The following MYO18A variants were observed in gnomAD, a reference collection of about 807,000 sequenced individuals.
MYO18A encodes myosin XVIIIA.
In MYO18A, 78 loss-of-function variants were observed where a neutral mutation model predicts 235.8. That is an observed-to-expected ratio of 0.33 (90% CI 0.28 to 0.40). The LOEUF is 0.40. Ranked by LOEUF, MYO18A falls within the 10% of genes least tolerant of loss-of-function variation. The pLI, the probability that MYO18A is intolerant of heterozygous loss-of-function variation, is 1.00. For synonymous variants in MYO18A, 977 were observed against 1,077.8 expected (o/e 0.91, Z 1.83); for missense variants, 2,215 against 2,699.3 (o/e 0.82, Z 3.98).
chr17:29,154,121 T>TGTGTGTGTGTGTGTGTGCGCGC (rs142430455), intron 2 of MYO18A, among the ~76,000 whole-genome samples: 2,309 of 148,954 alleles, frequency 0.016, 33 homozygotes, highest in East Asian at 0.067. Context: ...TGTGTGTGTG[T>TGTGTGTGTGTGTGTGTGCGCGC]GCGCGCGCGT....
At chr17:29,152,564 G>A (rs1232172521) in intron 2 of MYO18A, among the ~76,000 whole-genome samples, 3 of 152,118 alleles carry the variant, frequency 2.0e-5, no homozygotes, top group East Asian at 1.9e-4. Flanking sequence ...AAGCATCAGC[G>A]TGGGGACAAG....
At chr17:29,165,286 T>C (rs1171157044) in intron 2 of MYO18A, 2 of 152,238 alleles carry the variant, frequency 1.3e-5, no homozygotes, top group African/African-American at 4.8e-5. Context: ...ATGGAAATAT[T>C]GTATTTTACT....
chr17:29,124,557 G>T, intron 2 of MYO18A: 2 of 954,702 alleles, frequency 2.1e-6, no homozygotes, highest in Non-Finnish European at 2.7e-6. Context: ...TCCAGCAGGA[G>T]GCCCGAGCAC....
At chr17:29,078,316 G>C (rs879467994) in intron 41 of MYO18A, 1 of 152,230 alleles carries the variant, frequency 6.6e-6, no homozygotes, top group Non-Finnish European at 1.5e-5. Flanking sequence ...ATGCTCGGCT[G>C]ACTCTTGTCT....
At chr17:29,119,457 TGGGTAAGGA>T in intron 7 of MYO18A, 22 bp from the exon 8 acceptor site, 1 of 1,588,762 alleles carries the variant, frequency 6.3e-7, no homozygotes, top group Non-Finnish European at 8.6e-7. Context: ...CATGGACGTG[TGGGTAAGGA>T]GGGTAGTGCC....
In MYO18A at chr17:29,115,437, C is replaced by A. The variant is rs368144764; in HGVS notation, c.2232G>T (p.Pro744=). 9.3e-6 allele frequency: 15 copies of A among 1,613,488 alleles called. No homozygotes were observed. Among genetic ancestry groups the A allele is most frequent in the Admixed American group, 6.7e-5 (4 of 59,972 alleles). Residue 744 remains proline, a synonymous_variant, in exon 13 of 42, where the codon CCG becomes CCT. Coordinates refer to ENST00000527372, the MANE Select transcript of MYO18A (RefSeq NM_078471.4). ...CAAGGCACTCCAGTGCACTCAGTTT[C>A]GGGCCTGTGGGGCAGGGGGAGCAGC... The part of the protein sequence containing the change: ...EESGLGDGTG[P]KLSALECLEG...
Position 29,093,335 on chromosome 17 carries a change from G to A in MYO18A, c.4914C>T (p.Thr1638=). The change falls in exon 32 of 42, where the codon ACC becomes ACT. Residue 1638 remains threonine (T), a synonymous_variant. Transcript: ENST00000527372. ...AGCATCCCCTGACCTGGTCGCTGAGGGTGGCGAGCTTGCCCTCCAGCTCCC... is the reference window on the plus strand; with the variant it reads ...AGCATCCCCTGACCTGGTCGCTGAGAGTGGCGAGCTTGCCCTCCAGCTCCC... ...EKRELEGKLA[T]LSDQVNRRDF... 3 of 1,611,772 alleles carry A rather than the reference G, an allele frequency of 1.9e-6. No homozygotes were observed. The highest frequency in any genetic ancestry group is 2.5e-6 in the Non-Finnish European group (3 of 1,179,542).
chr17:29,138,698 G>C (rs1470609333), intron 2 of MYO18A, among the ~76,000 whole-genome samples: 2 of 152,142 alleles, frequency 1.3e-5, no homozygotes, highest in Non-Finnish European at 2.9e-5. Flanking sequence ...TTACAAATGA[G>C]CAAAAGGAGG....
At chr17:29,083,894 GA>G (rs1391657597) in intron 40 of MYO18A, among the ~76,000 whole-genome samples, 1 of 152,198 alleles carries the variant, frequency 6.6e-6, no homozygotes, top group African/African-American at 2.4e-5. Flanking sequence ...CTTTAGAAAG[GA>G]GGTGCTGTAT....
At chr17:29,097,084 C>T in intron 27 of MYO18A, 139 bp downstream of exon 27, 1 of 1,423,096 alleles carries the variant, frequency 7.0e-7, no homozygotes, top group Non-Finnish European at 9.4e-7. Flanking sequence ...ATTGCCCCTG[C>T]ACCAAGAAGC....
At chr17:29,122,491 G>A (rs542523070) in intron 2 of MYO18A, among the ~76,000 whole-genome samples, 4 of 152,176 alleles carry the variant, frequency 2.6e-5, no homozygotes, top group South Asian at 2.1e-4. Flanking sequence ...GCTAGAGACC[G>A]TACCATCAGT....
At chr17:29,137,504 C>T (rs990144165) in intron 2 of MYO18A, among the ~76,000 whole-genome samples, 12 of 152,238 alleles carry the variant, frequency 7.9e-5, no homozygotes, top group African/African-American at 2.4e-4. Context: ...AGTAGCTCTT[C>T]GTGAACAATA....
At position 29,097,184 on chromosome 17, in the gene MYO18A, C is replaced by G. The variant is rs543567848; in HGVS notation, c.4230+39G>C. On this transcript the variant is annotated intron_variant, in intron 27 of 41. Coordinates refer to ENST00000527372, the MANE Select transcript of MYO18A (RefSeq NM_078471.4). Reference sequence around the variant, plus strand: ...ACACAAGGCACCAGTCCTCTCCTGGCCCTCCCAGGCACAGGCCTCAGCTCC... The same window carrying G: ...ACACAAGGCACCAGTCCTCTCCTGGGCCTCCCAGGCACAGGCCTCAGCTCC... 68 of 1,599,716 alleles carry G rather than the reference C, an allele frequency of 4.3e-5. 1 individual carries two copies. In the East Asian group the frequency reaches 1.5e-3, roughly 35 times the overall value.
At chr17:29,123,400 G>A (rs1451233484) in intron 2 of MYO18A, among the ~76,000 whole-genome samples, 2 of 152,220 alleles carry the variant, frequency 1.3e-5, no homozygotes, top group Admixed American at 1.3e-4. Flanking sequence ...CCTGAAACCT[G>A]AGGCCCAGGC....
intron 28 of MYO18A, 117 bp downstream of exon 28, chr17:29,096,644 C>T: frequency 7.8e-7 from 1 of 1,288,292 alleles, no homozygotes; most frequent in Non-Finnish European, 1.0e-6. Flanking sequence ...ACCAGGCAAG[C>T]AAGGCCCCTG....
intron 1 of MYO18A, among the ~76,000 whole-genome samples, chr17:29,175,952 G>A (rs2068515139): frequency 1.3e-5 from 2 of 152,058 alleles, no homozygotes; most frequent in Non-Finnish European, 1.5e-5. Flanking sequence ...CCAGCTGCTC[G>A]GGAGGCTGAG....
At chr17:29,169,058 T>C (rs2068342222) in intron 1 of MYO18A, among the ~76,000 whole-genome samples, 1 of 151,952 alleles carries the variant, frequency 6.6e-6, no homozygotes, top group South Asian at 2.1e-4. Flanking sequence ...TAATCCCAGC[T>C]ATTCGGGTGG....
intron 22 of MYO18A, 49 bp downstream of exon 22, chr17:29,099,585 C>G: frequency 6.3e-7 from 1 of 1,589,400 alleles, no homozygotes; most frequent in Non-Finnish European, 8.6e-7. Flanking sequence ...AGGAACTTGG[C>G]TGTGCCCATC....
intron 20 of MYO18A, among the ~76,000 whole-genome samples, chr17:29,104,467 A>AG (rs1435444900): frequency 1.3e-5 from 2 of 152,168 alleles, no homozygotes; most frequent in African/African-American, 4.8e-5. Flanking sequence ...TAAGAGAAAG[A>AG]GGCGGCTTGT....
Sources: gnomAD v4.1 joint callset for allele counts (sites outside exome capture counted in the v4.1 genomes callset) on GRCh38, gnomAD v4.1.1 for gene constraint, MANE v1.5 for transcripts, NCBI Gene and HGNC (gene_info 2026-07-23, HGNC 2026-07-21) for gene names.